ANK2: variants seen among roughly 807,000 people sequenced by gnomAD.
ANK2 encodes the protein ankyrin 2.
ANK2 carries 83 observed loss-of-function variants against 360.5 expected under a neutral mutation model. That is an observed-to-expected ratio of 0.23 (90% CI 0.19 to 0.28). The LOEUF (loss-of-function observed/expected upper bound fraction) is 0.28, where lower values mean the gene tolerates loss of function less well. Ranked by LOEUF, ANK2 falls within the 10% of genes least tolerant of loss-of-function variation. The probability of loss-of-function intolerance (pLI) is 1.00; values close to 1 mark genes in which losing one functional copy is unlikely to be tolerated. For missense variants in ANK2, 4,201 were observed against 4,795.7 expected, an observed-to-expected ratio of 0.88 and a Z score of 3.66; for synonymous variants, 1,740 against 1,759.5, an observed-to-expected ratio of 0.99 and a Z score of 0.28.
chr4:112,850,331 GTCCA>G lies in ANK2; in HGVS notation c.-40+32092_-40+32095del, dbSNP rs139812761. ...TGTTCATCCATCCATCCATTCATCT[GTCCA>G]TCCATCCATCCATCCATCCATCCAC... On this transcript the variant is annotated intron_variant, in intron 1 of 30. Transcript: ENST00000503271. Among the ~76,000 whole-genome samples, 62 of 143,132 alleles carry G rather than the reference GTCCA, an allele frequency of 4.3e-4. 1 individual carries two copies. The highest frequency in any genetic ancestry group is 1.4e-3 in the African/African-American group (53 of 38,088). The allele number at this position is 143,132 out of a possible 152,430, so 93.9% of individuals were successfully genotyped here.
intron 2 of ANK2, among the ~76,000 whole-genome samples, chr4:112,913,049 G>T (rs1037135803): frequency 2.0e-5 from 3 of 151,998 alleles, no homozygotes; most frequent in Non-Finnish European, 4.4e-5. Context: ...GGAACAAAGT[G>T]CACTACATAG....
chr4:113,208,342 A>G (rs995491887), intron 4 of ANK2, among the ~76,000 whole-genome samples: 2 of 151,936 alleles, frequency 1.3e-5, no homozygotes, highest in Admixed American at 6.6e-5. Context: ...GGACTGTTAT[A>G]AGACTGATTA....
intron 2 of ANK2, among the ~76,000 whole-genome samples, chr4:112,907,907 A>G (rs1267277360): frequency 6.6e-6 from 1 of 152,174 alleles, no homozygotes; most frequent in African/African-American, 2.4e-5. Context: ...GCTCATGAGT[A>G]GAACTGTTCT....
intron 2 of ANK2, among the ~76,000 whole-genome samples, chr4:113,003,036 G>A (rs1663620207): frequency 6.6e-6 from 1 of 152,248 alleles, no homozygotes; most frequent in Middle Eastern, 3.4e-3. Flanking sequence ...GCCTGTTTTT[G>A]CAGACATTAT....
intron 2 of ANK2, among the ~76,000 whole-genome samples, chr4:113,187,084 T>TAA (rs34551394): frequency 6.9e-6 from 1 of 144,204 alleles, no homozygotes; most frequent in Non-Finnish European, 1.5e-5. Context: ...TGTCATTACT[T>TAA]AAAAAAAAAA....
chr4:113,271,634 A>G (rs29405), intron 14 of ANK2, among the ~76,000 whole-genome samples: 137 of 152,224 alleles, frequency 9.0e-4, no homozygotes, highest in Non-Finnish European at 1.7e-3. Context: ...GTAGTTCACA[A>G]TCTTCTCAAT....
the ANK2 span, among the ~76,000 whole-genome samples, chr4:112,740,105 T>A: frequency 6.6e-6 from 1 of 152,030 alleles, no homozygotes; most frequent in South Asian, 2.1e-4. Context: ...TCTTTCTAAA[T>A]GTGGTTAGCT....
At chr4:113,023,524 CAGGTCCCTGA>C (rs1330074746) in intron 2 of ANK2, among the ~76,000 whole-genome samples, 1 of 152,212 alleles carries the variant, frequency 6.6e-6, no homozygotes. Context: ...TGATTCCTTT[CAGGTCCCTGA>C]AGAAATATCA....
At chr4:113,099,414 T>C (rs1234527217) in intron 1 of ANK2, among the ~76,000 whole-genome samples, 1 of 151,958 alleles carries the variant, frequency 6.6e-6, no homozygotes, top group Non-Finnish European at 1.5e-5. Context: ...AATGAAATAC[T>C]TATGTGTAAT....
intron 1 of ANK2, among the ~76,000 whole-genome samples, chr4:113,082,331 G>T (rs1055997904): frequency 1.3e-5 from 2 of 151,962 alleles, no homozygotes; most frequent in African/African-American, 4.8e-5. Flanking sequence ...GGAGAGTGGG[G>T]TCTCACTATA....
intron 22 of ANK2, among the ~76,000 whole-genome samples, chr4:113,302,091 A>T (rs1047466497): frequency 2.6e-4 from 40 of 152,312 alleles, no homozygotes; most frequent in African/African-American, 9.1e-4. Flanking sequence ...CTAGGGCCTT[A>T]TAGGTAATAA....
rs544715716 is a variant in ANK2, at chr4:113,226,101, A to T, written c.385-6060A>T. On this transcript the variant is annotated intron_variant, in intron 4 of 45. Transcript: ENST00000357077. ...TTTAAAATACTAAGATCATATTAATACTTGTAATTCTCACTTCTTGGGATT... is the reference window on the plus strand; with the variant it reads ...TTTAAAATACTAAGATCATATTAATTCTTGTAATTCTCACTTCTTGGGATT... 1.6e-4 allele frequency among the ~76,000 whole-genome samples: 24 copies of T among 152,288 alleles called. 1 individual carries two copies. In the East Asian group the frequency reaches 4.4e-3, roughly 28 times the overall value.
At chr4:113,194,536 G>A (rs1007010955) in intron 2 of ANK2, among the ~76,000 whole-genome samples, 6 of 152,132 alleles carry the variant, frequency 3.9e-5, no homozygotes, top group African/African-American at 1.4e-4. Flanking sequence ...TTTGATAGAA[G>A]TGCTGAACAA....
chr4:112,993,365 C>T (rs1561449688), intron 2 of ANK2, among the ~76,000 whole-genome samples: 2 of 151,986 alleles, frequency 1.3e-5, no homozygotes, highest in African/African-American at 2.4e-5. Flanking sequence ...TGCAGTGGCG[C>T]GATCTTGGCT....
At chr4:112,861,083 GGGGATATGCAGGAGGAGC>G (rs2067856824) in intron 1 of ANK2, among the ~76,000 whole-genome samples, 2 of 152,172 alleles carry the variant, frequency 1.3e-5, no homozygotes, top group Admixed American at 1.3e-4. Flanking sequence ...ACTCTGATGC[GGGGATATGCAGGAGGAGC>G]CCAGGAGGTC....
Position 113,358,914 on chromosome 4 carries a change from C to G in ANK2, c.10296C>G (p.Ala3432=), listed in dbSNP as rs2154030868. The change falls in exon 38 of 46, where the codon GCC becomes GCG. Residue 3432 remains alanine (A), a synonymous_variant. Coordinates refer to ENST00000357077, the MANE Select transcript of ANK2 (RefSeq NM_001148.6). The part of the protein sequence containing the change: ...EELELESEEG[A]TRPKILTSRL... The stretch of plus-strand genomic sequence containing the variant: ...TTGAGTTAGAATCAGAAGAAGGGGC[C>G]ACAAGACCAAAGATACTTACATCCC... The G allele has an allele frequency of 6.2e-7, 1 of 1,613,740 alleles. No individual in the cohort carries two copies. The highest frequency in any genetic ancestry group is 8.5e-7 in the Non-Finnish European group (1 of 1,179,838).
chr4:113,261,274 C>T (rs1310935722), intron 13 of ANK2, among the ~76,000 whole-genome samples: 2 of 152,044 alleles, frequency 1.3e-5, no homozygotes, highest in African/African-American at 4.8e-5. Context: ...TACAACACAT[C>T]CATAATCCAA....
chr4:113,308,547 G>C (rs1348496825), intron 23 of ANK2, among the ~76,000 whole-genome samples: 1 of 152,116 alleles, frequency 6.6e-6, no homozygotes, highest in Admixed American at 6.6e-5. Context: ...GTAGAGACAG[G>C]GAAGAAAGAC....
the ANK2 span, among the ~76,000 whole-genome samples, chr4:112,803,496 G>A: frequency 1.3e-5 from 2 of 152,026 alleles, no homozygotes; most frequent in East Asian, 1.9e-4. Context: ...GCGGTCACAA[G>A]TCAAAGAATG....
Sources: gnomAD v4.1 joint callset for allele counts (sites outside exome capture counted in the v4.1 genomes callset) on GRCh38, gnomAD v4.1.1 for gene constraint, MANE v1.5 for transcripts, NCBI Gene and HGNC (gene_info 2026-07-23, HGNC 2026-07-21) for gene names.